The following CYP1A2 variants were observed in gnomAD, a reference collection of about 807,000 sequenced individuals.
The protein encoded by CYP1A2 is cytochrome P450 1A2.
A neutral mutation model predicts 34.7 loss-of-function variants in CYP1A2; 35 were observed. The ratio of observed to expected loss-of-function variants is 1.01; its 90% CI spans 0.77 to 1.34. The LOEUF (loss-of-function observed/expected upper bound fraction) is 1.34. CYP1A2 is among the 40% of genes most tolerant of loss of function. The pLI, the probability that CYP1A2 is intolerant of heterozygous loss-of-function variation, is 0.00. For missense variants in CYP1A2, 675 were observed against 675.8 expected (o/e 1.00, Z 0.01); for synonymous variants, 288 against 281.9 (o/e 1.02, Z -0.22).
rs781680722 is a variant in CYP1A2 at position 74,750,028 on chromosome 15, C to A, written c.290C>A (p.Ala97Asp). ...AGCCGCCTGGACACCATCCGGCAGG[C>A]CCTGGTGCGGCAGGGCGACGATTTC... ...VLSRLDTIRQ[A>D]LVRQGDDFKG... The change falls in exon 2 of 7, where the codon GCC (alanine) becomes GAC (aspartate). Residue 97 changes from alanine to aspartate, a missense_variant. By Grantham distance (126) the Ala-to-Asp change is moderately radical. Coordinates refer to ENST00000343932, the MANE Select transcript of CYP1A2 (RefSeq NM_000761.5). The A allele has an allele frequency of 1.2e-6, 2 of 1,614,052 alleles. No homozygotes were observed. The highest frequency in any genetic ancestry group is 8.5e-7 in the Non-Finnish European group (1 of 1,180,028).
intron 6 of CYP1A2, among the ~76,000 whole-genome samples, chr15:74,754,425 T>C (rs1440469130): frequency 4.6e-5 from 5 of 109,400 alleles, no homozygotes; most frequent in Non-Finnish European, 7.1e-5. Context: ...ACCCCGTCTC[T>C]GCAAAAAAAA....
At position 74,751,277 on chromosome 15, in the gene CYP1A2, T is replaced by C. The variant is rs780704581; in HGVS notation, c.920T>C (p.Ile307Thr). The stretch of plus-strand genomic sequence containing the variant: ...GGCAACCTCATCCCACAGGAGAAGA[T>C]TGTCAACCTTGTCAATGACATCTTT... Reference protein sequence around the residue: ...ASGNLIPQEKIVNLVNDIFGA... With the variant: ...ASGNLIPQEKTVNLVNDIFGA... Residue 307 changes from isoleucine (I) to threonine (T), a missense_variant, in exon 3 of 7, where the codon ATT (isoleucine) becomes ACT (threonine). By Grantham distance (89) the Ile-to-Thr change is moderately conservative (BLOSUM62 -1). Transcript: ENST00000343932. The C allele has an allele frequency of 5.0e-6, 8 of 1,614,020 alleles. No individual in the cohort carries two copies. The highest frequency in any genetic ancestry group is 2.2e-5 in the East Asian group (1 of 44,900).
At chr15:74,751,052 T>G (rs572622349) in intron 2 of CYP1A2, 137 bp from the exon 3 acceptor site, 4 of 1,199,654 alleles carry the variant, frequency 3.3e-6, no homozygotes, top group Admixed American at 4.9e-5. Context: ...TGCTGCAAGC[T>G]GCAACCCCCT....
chr15:74,749,372 C>T (rs183165301), intron 1 of CYP1A2, among the ~76,000 whole-genome samples: 2 of 152,312 alleles, frequency 1.3e-5, no homozygotes, highest in East Asian at 3.9e-4. Context: ...TGGTACAATA[C>T]CCAGCATGCA....
At chr15:74,754,655 G>A (rs930242662) in intron 6 of CYP1A2, 136 bp from the exon 7 acceptor site, 27 of 784,568 alleles carry the variant, frequency 3.4e-5, no homozygotes, top group Non-Finnish European at 1.4e-5. Context: ...GTTCAGTTTG[G>A]TTCCTTCCCA....
chr15:74,750,252 C>T lies in CYP1A2; in HGVS notation c.514C>T (p.Leu172=), dbSNP rs1196434185. 1.2e-6 allele frequency: 2 copies of T among 1,614,102 alleles called. No individual in the cohort carries two copies. Among genetic ancestry groups the T allele is most frequent in the African/African-American group, 2.7e-5 (2 of 74,932 alleles). ...EEHVSKEAKA[L]ISRLQELMAG... The stretch of plus-strand genomic sequence containing the variant: ...GCATGTGAGCAAGGAGGCTAAGGCC[C>T]TGATCAGCAGGTTGCAGGAGCTGAT... Residue 172 remains leucine (L), a synonymous_variant, in exon 2 of 7, where the codon CTG becomes TTG. Coordinates refer to ENST00000343932, the MANE Select transcript of CYP1A2 (RefSeq NM_000761.5).
chr15:74,751,124 T>C (rs1469911716), intron 2 of CYP1A2, 65 bp from the exon 3 acceptor site: 2 of 1,594,992 alleles, frequency 1.3e-6, no homozygotes, highest in Non-Finnish European at 1.7e-6. Context: ...GCCAGGGGAG[T>C]GGAGCAACGT....
chr15:74,752,148 G>C lies in CYP1A2; in HGVS notation c.1067G>C (p.Arg356Pro). 1 of 1,613,992 alleles carries C rather than the reference G, an allele frequency of 6.2e-7. No individual in the cohort carries two copies. Among genetic ancestry groups the C allele is most frequent in the East Asian group, 2.2e-5 (1 of 44,882 alleles). ...GACACTGTGATTGGCAGGGAGCGGC[G>C]GCCCCGGCTCTCTGACAGACCCCAG... ...ELDTVIGRER[R>P]PRLSDRPQLP... Residue 356 changes from arginine to proline, a missense_variant, in exon 5 of 7, where the codon CGG becomes CCG. Arg to Pro is a moderately radical substitution (Grantham distance 103). Transcript: ENST00000343932.
chr15:74,753,185 A>G lies in CYP1A2; in HGVS notation c.1168A>G (p.Thr390Ala), dbSNP rs774289191. 3 of 1,613,158 alleles carry G rather than the reference A, an allele frequency of 1.9e-6. No homozygotes were observed. The highest frequency in any genetic ancestry group is 2.2e-5 in the South Asian group (2 of 91,034). Residue 390 changes from threonine (T) to alanine (A), a missense_variant and splice_region_variant, in exon 6 of 7, where the codon ACA becomes GCA. By Grantham distance (58) the Thr-to-Ala change is moderately conservative. Transcript: ENST00000343932. ...CACAGTGCCCTCTTCCCTCCTCAGCACAACAAGGGACACAACGCTGAATGG... is the reference window on the plus strand; with the variant it reads ...CACAGTGCCCTCTTCCCTCCTCAGCGCAACAAGGGACACAACGCTGAATGG... ...SFLPFTIPHS[T>A]TRDTTLNGFY...
At position 74,749,913 on chromosome 15, in the gene CYP1A2, A is replaced by C; in HGVS notation, c.175A>C (p.Lys59Gln). The change falls in exon 2 of 7, where the codon AAG (lysine) becomes CAG (glutamine). Residue 59 changes from lysine to glutamine, a missense_variant. Coordinates refer to ENST00000343932, the MANE Select transcript of CYP1A2 (RefSeq NM_000761.5). ...PLLGHVLTLG[K>Q]NPHLALSRMS... Reference sequence around the variant, plus strand: ...GCTCGGGCATGTGCTGACCCTGGGGAAGAACCCGCACCTGGCACTGTCAAG... The same window carrying C: ...GCTCGGGCATGTGCTGACCCTGGGGCAGAACCCGCACCTGGCACTGTCAAG... The C allele has an allele frequency of 6.2e-7, 1 of 1,610,436 alleles. No homozygotes were observed. The highest frequency in any genetic ancestry group is 1.3e-5 in the African/African-American group (1 of 74,954).
chr15:74,754,991 C>A lies in CYP1A2; in HGVS notation c.1454C>A (p.Pro485Gln), dbSNP rs773716931. 1 of 1,614,236 alleles carries A rather than the reference C, an allele frequency of 6.2e-7. No homozygotes were observed. The highest frequency in any genetic ancestry group is 8.5e-7 in the Non-Finnish European group (1 of 1,180,048). The stretch of plus-strand genomic sequence containing the variant: ...CAGCAACTGGAGTTCAGCGTGCCGC[C>A]GGGCGTGAAAGTCGACCTGACCCCC... ...LLQQLEFSVP[P>Q]GVKVDLTPIY... Residue 485 changes from proline (P) to glutamine (Q), a missense_variant, in exon 7 of 7, where the codon CCG becomes CAG. Pro to Gln is a moderately conservative substitution (Grantham distance 76). Coordinates refer to ENST00000343932, the MANE Select transcript of CYP1A2 (RefSeq NM_000761.5).
In CYP1A2 at chr15:74,752,135, G is replaced by T. The variant is rs1453893545; in HGVS notation, c.1054G>T (p.Gly352Cys). The T allele has an allele frequency of 6.2e-7, 1 of 1,614,052 alleles. No individual in the cohort carries two copies. Among genetic ancestry groups the T allele is most frequent in the Non-Finnish European group, 8.5e-7 (1 of 1,179,978 alleles). Reference protein sequence around the residue: ...KIQKELDTVIGRERRPRLSDR... With the variant: ...KIQKELDTVICRERRPRLSDR... ...TCTGTGTTCTACAGACACTGTGATT[G>T]GCAGGGAGCGGCGGCCCCGGCTCTC... The change falls in exon 5 of 7, where the codon GGC (glycine) becomes TGC (cysteine). Residue 352 changes from glycine to cysteine, a missense_variant. Transcript: ENST00000343932.
In CYP1A2 at chr15:74,750,014, C is replaced by T. The variant is rs1567205038; in HGVS notation, c.276C>T (p.Asp92=). ...STPVLVLSRL[D]TIRQALVRQG... ...CCGTGCTGGTGCTGAGCCGCCTGGA[C>T]ACCATCCGGCAGGCCCTGGTGCGGC... Residue 92 remains aspartate (D), a synonymous_variant, in exon 2 of 7, where the codon GAC becomes GAT. Coordinates refer to ENST00000343932, the MANE Select transcript of CYP1A2 (RefSeq NM_000761.5). The T allele has an allele frequency of 2.5e-6, 4 of 1,614,092 alleles. No homozygotes were observed. The highest frequency in any genetic ancestry group is 3.4e-6 in the Non-Finnish European group (4 of 1,180,028).
Position 74,750,151 on chromosome 15 carries a change from G to T in CYP1A2, c.413G>T (p.Arg138Leu). 3.7e-6 allele frequency: 6 copies of T among 1,614,014 alleles called. No homozygotes were observed. Among genetic ancestry groups the T allele is most frequent in the Non-Finnish European group, 5.1e-6 (6 of 1,180,032 alleles). Residue 138 changes from arginine (R) to leucine (L), a missense_variant, in exon 2 of 7, where the codon CGC (arginine) becomes CTC (leucine). By Grantham distance (102) the Arg-to-Leu change is moderately radical (BLOSUM62 -2). Coordinates refer to ENST00000343932, the MANE Select transcript of CYP1A2 (RefSeq NM_000761.5). ...DSGPVWAARR[R>L]LAQNALNTFS... is the part of the protein sequence containing the mutation. The stretch of plus-strand genomic sequence containing the variant: ...GGACCGGTGTGGGCTGCCCGCCGGC[G>T]CCTGGCCCAGAATGCCCTCAACACC...
chr15:74,750,444 C>T lies in CYP1A2; in HGVS notation c.706C>T (p.Leu236=). ...FVETASSGNP[L]DFFPILRYLP... ...GGAGACTGCCTCCTCCGGGAACCCC[C>T]TGGACTTCTTCCCCATCCTTCGCTA... Residue 236 remains leucine, a synonymous_variant, in exon 2 of 7, where the codon CTG becomes TTG. Coordinates refer to ENST00000343932, the MANE Select transcript of CYP1A2 (RefSeq NM_000761.5). 6.2e-7 allele frequency: 1 copy of T among 1,614,188 alleles called. No homozygotes were observed. The highest frequency in any genetic ancestry group is 8.5e-7 in the Non-Finnish European group (1 of 1,180,022).
rs776747841 is a variant in CYP1A2, at chr15:74,749,731, T to A, written c.-8T>A. ...TGGTCCCTCCTTTTTTCCCTGCAGT[T>A]GGTACAGATGGCATTGTCCCAGTCT... On this transcript the variant is annotated splice_region_variant and 5_prime_UTR_variant, in exon 2 of 7. Transcript: ENST00000343932. The A allele has an allele frequency of 6.6e-7, 1 of 1,512,304 alleles. No individual in the cohort carries two copies. Among genetic ancestry groups the A allele is most frequent in the Non-Finnish European group, 8.9e-7 (1 of 1,129,124 alleles). The allele number at this position is 1,512,304 out of a possible 1,614,324, so 93.7% of individuals were successfully genotyped here.
chr15:74,751,299 C>A lies in CYP1A2; in HGVS notation c.942C>A (p.Ile314=). The change falls in exon 3 of 7, where the codon ATC becomes ATA. Residue 314 remains isoleucine (I), a synonymous_variant. Coordinates refer to ENST00000343932, the MANE Select transcript of CYP1A2 (RefSeq NM_000761.5). ...QEKIVNLVND[I]FGAGFDTVTT... ...AGATTGTCAACCTTGTCAATGACAT[C>A]TTTGGAGCAGGTAGGAACCAGAACC... 3 of 1,614,096 alleles carry A rather than the reference C, an allele frequency of 1.9e-6. No homozygotes were observed. Among genetic ancestry groups the A allele is most frequent in the Non-Finnish European group, 2.5e-6 (3 of 1,179,988 alleles).
intron 2 of CYP1A2, 51 bp downstream of exon 2, chr15:74,750,620 GCC>G (rs769397646): frequency 6.8e-7 from 1 of 1,481,358 alleles, no homozygotes; most frequent in Non-Finnish European, 9.4e-7. Context: ...CCTGGGTGCA[GCC>G]CCTCCCTCCC....
Position 74,750,134 on chromosome 15 carries a change from G to A in CYP1A2, c.396G>A (p.Val132=), listed in dbSNP as rs753307975. 1 of 1,613,934 alleles carries A rather than the reference G, an allele frequency of 6.2e-7. No individual in the cohort carries two copies. Among genetic ancestry groups the A allele is most frequent in the African/African-American group, 1.3e-5 (1 of 74,926 alleles). ...SLTFSTDSGP[V]WAARRRLAQN... is the part of the protein sequence containing the mutation. The stretch of plus-strand genomic sequence containing the variant: ...CCTTCAGCACAGACTCTGGACCGGT[G>A]TGGGCTGCCCGCCGGCGCCTGGCCC... Residue 132 remains valine (V), a synonymous_variant, in exon 2 of 7, where the codon GTG becomes GTA. Coordinates refer to ENST00000343932, the MANE Select transcript of CYP1A2 (RefSeq NM_000761.5).
Sources: allele counts gnomAD v4.1 joint callset (sites outside exome capture counted in the v4.1 genomes callset), GRCh38; gene constraint gnomAD v4.1.1; transcripts MANE v1.5; gene names NCBI Gene and HGNC (gene_info 2026-07-23, HGNC 2026-07-21).